Variants in CSTPP1 observed in about 807,000 individuals in gnomAD.
The protein encoded by CSTPP1 is UPF0705 protein C11orf49.
the CSTPP1 span, among the ~76,000 whole-genome samples, chr11:47,036,533 G>A: frequency 4.1e-5 from 5 of 122,538 alleles, 1 homozygote; most frequent in African/African-American, 7.6e-5. Flanking sequence ...AAGCAAATAA[G>A]TAAATATGTT....
chr11:46,948,208 A>C, the CSTPP1 span: 1 of 452,764 alleles, frequency 2.2e-6, no homozygotes, highest in African/African-American at 2.0e-5. Context: ...TGAGAAAGTG[A>C]GTTTGGGCGC....
the CSTPP1 span, among the ~76,000 whole-genome samples, chr11:47,094,536 T>G: frequency 6.6e-6 from 1 of 152,110 alleles, no homozygotes; most frequent in Non-Finnish European, 1.5e-5. Flanking sequence ...CCTGTTATCT[T>G]GATGGTAGCG....
At chr11:47,007,295 T>C in the CSTPP1 span, among the ~76,000 whole-genome samples, 1 of 152,168 alleles carries the variant, frequency 6.6e-6, no homozygotes. Context: ...CCTCCCAAAG[T>C]GCTGGAATTA....
the CSTPP1 span, among the ~76,000 whole-genome samples, chr11:47,023,644 T>C: frequency 6.6e-6 from 1 of 152,184 alleles, no homozygotes; most frequent in African/African-American, 2.4e-5. Flanking sequence ...GCAATCACCA[T>C]GCTACTTTCT....
the CSTPP1 span, among the ~76,000 whole-genome samples, chr11:47,133,671 A>T: frequency 7.0e-4 from 107 of 152,348 alleles, no homozygotes; most frequent in African/African-American, 2.5e-3. Flanking sequence ...GATCCAGTTC[A>T]ACTGGAGCTA....
the CSTPP1 span, among the ~76,000 whole-genome samples, chr11:47,096,440 G>A: frequency 5.9e-5 from 9 of 152,180 alleles, no homozygotes; most frequent in African/African-American, 1.7e-4. Context: ...TAAGTGAAGA[G>A]ATAATTGATT....
the CSTPP1 span, among the ~76,000 whole-genome samples, chr11:46,965,061 G>A: frequency 6.6e-6 from 1 of 152,068 alleles, no homozygotes; most frequent in Non-Finnish European, 1.5e-5. Context: ...CGATTTCTAT[G>A]TTTATTCAAA....
the CSTPP1 span, among the ~76,000 whole-genome samples, chr11:47,078,551 T>C: frequency 6.6e-6 from 1 of 152,128 alleles, no homozygotes; most frequent in Non-Finnish European, 1.5e-5. Flanking sequence ...GGATAGTTGG[T>C]GGAGCAAGGT....
At chr11:46,971,108 A>G in the CSTPP1 span, among the ~76,000 whole-genome samples, 5 of 152,224 alleles carry the variant, frequency 3.3e-5, no homozygotes, top group Non-Finnish European at 7.3e-5. Flanking sequence ...TATGGAAGGT[A>G]TAGATCAAAC....
the CSTPP1 span, chr11:47,157,223 G>A: frequency 6.4e-7 from 1 of 1,559,162 alleles, no homozygotes; most frequent in South Asian, 1.2e-5. Flanking sequence ...GTACAGGTGA[G>A]GAACGGGCAT....
chr11:47,124,553 ATACTT>A, the CSTPP1 span, among the ~76,000 whole-genome samples: 14 of 152,264 alleles, frequency 9.2e-5, 1 homozygote, highest in Admixed American at 5.9e-4. Context: ...ACTTTAAAAT[ATACTT>A]TACTTAGTCT....
chr11:47,069,002 G>C, the CSTPP1 span, among the ~76,000 whole-genome samples: 3 of 152,188 alleles, frequency 2.0e-5, no homozygotes, highest in Non-Finnish European at 2.9e-5. Flanking sequence ...GTTAACCTAT[G>C]AGCACAGGTT....
the CSTPP1 span, among the ~76,000 whole-genome samples, chr11:47,007,001 GTTTT>G: frequency 9.0e-6 from 1 of 111,120 alleles, no homozygotes. Flanking sequence ...ATTTTGTGTG[GTTTT>G]TTTTTTTTTT....
At chr11:47,063,322 A>T in the CSTPP1 span, among the ~76,000 whole-genome samples, 1 of 152,326 alleles carries the variant, frequency 6.6e-6, no homozygotes, top group Non-Finnish European at 1.5e-5. Context: ...TTATGGCAAT[A>T]AAACCTATAT....
chr11:47,012,275 G>C, the CSTPP1 span, among the ~76,000 whole-genome samples: 1 of 152,082 alleles, frequency 6.6e-6, no homozygotes, highest in Non-Finnish European at 1.5e-5. Flanking sequence ...GGAAATAAAG[G>C]AGGGCTTTGG....
the CSTPP1 span, among the ~76,000 whole-genome samples, chr11:47,019,798 A>T: frequency 3.3e-5 from 5 of 152,366 alleles, no homozygotes; most frequent in African/African-American, 7.2e-5. Context: ...AAGTGAGCAC[A>T]TGCTGTTGGC....
chr11:47,050,024 T>C, the CSTPP1 span, among the ~76,000 whole-genome samples: 2 of 152,214 alleles, frequency 1.3e-5, no homozygotes, highest in South Asian at 2.1e-4. Flanking sequence ...ACTGTAAGGT[T>C]GGGTAGAGAA....
the CSTPP1 span, among the ~76,000 whole-genome samples, chr11:47,043,176 C>T: frequency 6.6e-6 from 1 of 152,014 alleles, no homozygotes; most frequent in African/African-American, 2.4e-5. Flanking sequence ...TGGAGCTAGC[C>T]CCTTTTGCCT....
At chr11:47,101,190 A>ATTTTT in the CSTPP1 span, among the ~76,000 whole-genome samples, 1 of 62,574 alleles carries the variant, frequency 1.6e-5, no homozygotes, top group African/African-American at 7.2e-5. Context: ...TTTTTTTTTT[A>ATTTTT]TTTTATTTTT....
Sources: allele counts gnomAD v4.1 joint callset (sites outside exome capture counted in the v4.1 genomes callset), GRCh38; gene constraint gnomAD v4.1.1; transcripts MANE v1.5; gene names NCBI Gene and HGNC (gene_info 2026-07-23, HGNC 2026-07-21).